The following APPL2 variants were observed in gnomAD, a reference collection of about 807,000 sequenced individuals.
APPL2 encodes the protein adaptor protein, phosphotyrosine interacting with PH domain and leucine zipper 2.
In APPL2, 84 loss-of-function variants were observed where a neutral mutation model predicts 92.7. The ratio of observed to expected loss-of-function variants is 0.91; its 90% CI spans 0.76 to 1.09. The LOEUF (loss-of-function observed/expected upper bound fraction) is 1.09, where lower values mean the gene tolerates loss of function less well. Ranked by LOEUF, APPL2 falls within the 50% of genes least tolerant of loss-of-function variation. APPL2 has a pLI of 0.00. For missense variants in APPL2, 736 were observed against 824.5 expected, an observed-to-expected ratio of 0.89 and a Z score of 1.31; for synonymous variants, 291 against 291.0, an observed-to-expected ratio of 1.00 and a Z score of 0.00.
intron 9 of APPL2, among the ~76,000 whole-genome samples, chr12:105,200,634 G>A (rs1888080844): frequency 6.6e-6 from 1 of 152,156 alleles, no homozygotes. Flanking sequence ...TCTGCCCAAC[G>A]GGGCCCATCC....
rs778281927 is a variant in APPL2, at chr12:105,208,217, G to C, written c.374-18C>G. 4 of 1,614,056 alleles carry C rather than the reference G, an allele frequency of 2.5e-6. No homozygotes were observed. The highest frequency in any genetic ancestry group is 2.2e-5 in the East Asian group (1 of 44,884). On this transcript the variant is annotated intron_variant, in intron 5 of 20. Transcript: ENST00000258530. Reference sequence around the variant, plus strand: ...GCTTACTTCTGAAAAGGAGAAAAGGGACCGTCTTAGAGCAATGAAAAATAA... The same window carrying C: ...GCTTACTTCTGAAAAGGAGAAAAGGCACCGTCTTAGAGCAATGAAAAATAA...
At chr12:105,231,234 C>T (rs918136549) in intron 1 of APPL2, among the ~76,000 whole-genome samples, 4 of 152,066 alleles carry the variant, frequency 2.6e-5, no homozygotes, top group African/African-American at 9.7e-5. Context: ...TCCATTTAGC[C>T]AAATCCTGTT....
chr12:105,190,021 G>T lies in APPL2; in HGVS notation c.1376C>A (p.Thr459Lys), dbSNP rs1204039321. 3.7e-6 allele frequency: 6 copies of T among 1,614,058 alleles called. No homozygotes were observed. Among genetic ancestry groups the T allele is most frequent in the African/African-American group, 1.3e-5 (1 of 74,922 alleles). ...CCCTCTGTTCTGATCAAGGAATTCT[G>T]TAGCAGGAAGCACAATATCGAATTG... ...PIQFDIVLPA[T>K]EFLDQNRGSR... The change falls in exon 15 of 21, where the codon ACA (threonine) becomes AAA (lysine). Residue 459 changes from threonine to lysine, a missense_variant. Coordinates refer to ENST00000258530, the MANE Select transcript of APPL2 (RefSeq NM_018171.5).
At chr12:105,233,796 T>TTA (rs1248660985) in intron 1 of APPL2, among the ~76,000 whole-genome samples, 1 of 152,230 alleles carries the variant, frequency 6.6e-6, no homozygotes, top group Non-Finnish European at 1.5e-5. Context: ...CCTTAGTTAT[T>TTA]TAAATAGAGA....
At chr12:105,230,095 A>G (rs2136094510) in intron 1 of APPL2, among the ~76,000 whole-genome samples, 1 of 152,148 alleles carries the variant, frequency 6.6e-6, no homozygotes, top group Middle Eastern at 3.4e-3. Context: ...GTTTTTAATT[A>G]TATTTTATTC....
At chr12:105,174,969 C>T (rs1344601580) in intron 20 of APPL2, among the ~76,000 whole-genome samples, 1 of 150,868 alleles carries the variant, frequency 6.6e-6, no homozygotes, top group South Asian at 2.1e-4. Context: ...CTGCAACCTT[C>T]GCCTCCCCGG....
intron 17 of APPL2, among the ~76,000 whole-genome samples, chr12:105,186,309 CAGATTTTGGAGCATTTG>C (rs1292529105): frequency 6.6e-6 from 1 of 152,080 alleles, no homozygotes; most frequent in African/African-American, 2.4e-5. Flanking sequence ...CAAAAAGTTT[CAGATTTTGGAGCATTTG>C]AGATTTCCAG....
Position 105,174,156 on chromosome 12 carries a change from T to A in APPL2, c.*158A>T. On this transcript the variant is annotated 3_prime_UTR_variant, in exon 21 of 21. Transcript: ENST00000258530. ...GAACGCTGTCAACCATTTCTTAGTT[T>A]CCCTCCCAAGTCTCAGTATCAAGGC... The A allele has an allele frequency of 1.2e-6, 1 of 845,640 alleles. No individual in the cohort carries two copies. The highest frequency in any genetic ancestry group is 2.1e-5 in the South Asian group (1 of 46,570). The allele number at this position is 845,640 out of a possible 1,614,324, so 52.4% of individuals were successfully genotyped here.
At chr12:105,180,158 T>TA (rs1330369764) in intron 17 of APPL2, among the ~76,000 whole-genome samples, 6 of 152,100 alleles carry the variant, frequency 3.9e-5, no homozygotes, top group African/African-American at 1.4e-4. Context: ...TATAAGGTGT[T>TA]AAGAGGAAGG....
At chr12:105,177,156 C>T in intron 18 of APPL2, 70 bp downstream of exon 18, 3 of 1,600,150 alleles carry the variant, frequency 1.9e-6, no homozygotes, top group Non-Finnish European at 2.6e-6. Context: ...AGTGCCTAGG[C>T]TGTGTTTAAG....
chr12:105,177,360 AATAGAG>A, intron 17 of APPL2, 98 bp from the exon 18 acceptor site: 1 of 1,290,200 alleles, frequency 7.8e-7, no homozygotes, highest in South Asian at 1.2e-5. Context: ...AATTCCCCGA[AATAGAG>A]ATAAAGCCTG....
At chr12:105,200,901 T>C (rs532354162) in intron 9 of APPL2, among the ~76,000 whole-genome samples, 2 of 149,540 alleles carry the variant, frequency 1.3e-5, no homozygotes, top group Non-Finnish European at 1.5e-5. Flanking sequence ...TCTATCTATC[T>C]ATCCTATCTA....
chr12:105,202,395 G>A (rs992544170), intron 9 of APPL2, among the ~76,000 whole-genome samples: 3 of 152,202 alleles, frequency 2.0e-5, no homozygotes, highest in Non-Finnish European at 4.4e-5. Context: ...TGCAGAAAGA[G>A]GAAACCATGG....
intron 1 of APPL2, among the ~76,000 whole-genome samples, chr12:105,231,002 G>A (rs143125800): frequency 0.01 from 1,537 of 152,324 alleles, 8 homozygotes; most frequent in Non-Finnish European, 0.015. Context: ...ATCAGGACCT[G>A]AACAAAGGTT....
At chr12:105,175,751 TTATC>T (rs773275526) in intron 20 of APPL2, among the ~76,000 whole-genome samples, 17 of 106,980 alleles carry the variant, frequency 1.6e-4, no homozygotes, top group Non-Finnish European at 2.8e-4. Flanking sequence ...CGGTGGGTAC[TTATC>T]TATCATCTTA....
chr12:105,226,431 C>A (rs182784706), intron 2 of APPL2, among the ~76,000 whole-genome samples: 1 of 152,144 alleles, frequency 6.6e-6, no homozygotes, highest in African/African-American at 2.4e-5. Flanking sequence ...TCATATGCTG[C>A]GCATTAAAAG....
intron 4 of APPL2, among the ~76,000 whole-genome samples, chr12:105,216,427 T>C (rs775080081): frequency 1.2e-4 from 19 of 152,098 alleles, no homozygotes; most frequent in Non-Finnish European, 2.4e-4. Flanking sequence ...CTAAAAGATA[T>C]GACCACCCAG....
rs1183000595 is a variant in APPL2, at chr12:105,190,158, G to A, written c.1242-3C>T. On this transcript the variant is annotated splice_polypyrimidine_tract_variant and splice_region_variant and intron_variant, in intron 14 of 20. Coordinates refer to ENST00000258530, the MANE Select transcript of APPL2 (RefSeq NM_018171.5). ...TCTCTGAATTTTTCAGGTTCTGGCT[G>A]AAGGGGAAAAAAATCAATTCCCTTA... 1.9e-6 allele frequency: 3 copies of A among 1,611,226 alleles called. No homozygotes were observed. In the East Asian group the frequency reaches 6.7e-5, roughly 36 times the overall value.
intron 9 of APPL2, 60 bp downstream of exon 9, chr12:105,203,643 G>A: frequency 6.6e-7 from 1 of 1,505,918 alleles, no homozygotes; most frequent in Non-Finnish European, 9.2e-7. Flanking sequence ...ACCTCCCAGA[G>A]ATGTCAGATC....
Sources: gnomAD v4.1 joint callset for allele counts (sites outside exome capture counted in the v4.1 genomes callset) on GRCh38, gnomAD v4.1.1 for gene constraint, MANE v1.5 for transcripts, NCBI Gene and HGNC (gene_info 2026-07-23, HGNC 2026-07-21) for gene names.